Variants in DCDC2 observed in about 807,000 individuals in gnomAD.
The protein encoded by DCDC2 is doublecortin domain-containing protein 2.
In DCDC2, 40 loss-of-function variants were observed where a neutral mutation model predicts 50.2. That is an observed-to-expected ratio of 0.80 (90% CI 0.62 to 1.04). The LOEUF is 1.04. Among genes scored for constraint, DCDC2 ranks in the 50% least tolerant of loss-of-function variants. The pLI, the probability that DCDC2 is intolerant of heterozygous loss-of-function variation, is 0.00. For synonymous variants in DCDC2, 234 were observed against 210.6 expected (o/e 1.11, Z -0.96); for missense variants, 570 against 581.9 (o/e 0.98, Z 0.21).
At chr6:24,319,635 T>C (rs1354544020) in intron 2 of DCDC2, among the ~76,000 whole-genome samples, 1 of 152,190 alleles carries the variant, frequency 6.6e-6, no homozygotes, top group Non-Finnish European at 1.5e-5. Context: ...CCAAAGACTA[T>C]CTACAGTATG....
chr6:24,177,413 T>C (rs988740274), intron 9 of DCDC2, among the ~76,000 whole-genome samples: 1 of 152,188 alleles, frequency 6.6e-6, no homozygotes, highest in Non-Finnish European at 1.5e-5. Context: ...ATAAATCAGA[T>C]GCATCAATAA....
At chr6:24,261,682 G>A (rs1763013093) in intron 7 of DCDC2, among the ~76,000 whole-genome samples, 1 of 152,004 alleles carries the variant, frequency 6.6e-6, no homozygotes, top group South Asian at 2.1e-4. Flanking sequence ...TCATCCTTAT[G>A]TCTTACCTGC....
intron 6 of DCDC2, 28 bp downstream of exon 6, chr6:24,288,824 A>G (rs1302763254): frequency 1.3e-6 from 2 of 1,590,834 alleles, no homozygotes; most frequent in South Asian, 2.2e-5. Context: ...AATATAGAAC[A>G]TCAACGAGGA....
the DCDC2 span, among the ~76,000 whole-genome samples, chr6:24,367,901 T>C: frequency 4.6e-5 from 7 of 152,234 alleles, no homozygotes; most frequent in South Asian, 1.4e-3. Flanking sequence ...TTTACTATAT[T>C]TAAAGAAAAA....
intron 4 of DCDC2, among the ~76,000 whole-genome samples, chr6:24,295,147 G>T (rs1305597401): frequency 6.6e-6 from 1 of 152,134 alleles, no homozygotes; most frequent in Non-Finnish European, 1.5e-5. Context: ...CTTTATCCCT[G>T]GGATGCAAGG....
At position 24,260,440 on chromosome 6, in the gene DCDC2, A is replaced by C. The variant is rs560528452; in HGVS notation, c.922+17609T>G. 2.0e-5 allele frequency among the ~76,000 whole-genome samples: 3 copies of C among 152,312 alleles called. No individual in the cohort carries two copies. In the South Asian group the frequency reaches 6.2e-4, roughly 32 times the overall value. ...TCAGTCATAATGTTTCATTATTATAAAAATGCTAAATAACCATCATCATGC... is the reference window on the plus strand; with the variant it reads ...TCAGTCATAATGTTTCATTATTATACAAATGCTAAATAACCATCATCATGC... On this transcript the variant is annotated intron_variant, in intron 7 of 9. Transcript: ENST00000378454.
chr6:24,314,416 T>C (rs1419028565), intron 2 of DCDC2, among the ~76,000 whole-genome samples: 1 of 151,996 alleles, frequency 6.6e-6, no homozygotes, highest in Non-Finnish European at 1.5e-5. Context: ...CAGGTTGAAA[T>C]GAGCTATGAT....
chr6:24,365,114 A>T, the DCDC2 span, among the ~76,000 whole-genome samples: 1 of 152,050 alleles, frequency 6.6e-6, no homozygotes, highest in Admixed American at 6.6e-5. Flanking sequence ...CTTCAAATCC[A>T]CGTGCTAGGT....
At chr6:24,272,194 A>G (rs1763253569) in intron 7 of DCDC2, among the ~76,000 whole-genome samples, 1 of 152,262 alleles carries the variant, frequency 6.6e-6, no homozygotes, top group African/African-American at 2.4e-5. Context: ...TAAAGTAGAT[A>G]GCAAAGTACA....
the DCDC2 span, among the ~76,000 whole-genome samples, chr6:24,369,979 G>A: frequency 6.6e-6 from 1 of 152,042 alleles, no homozygotes; most frequent in Admixed American, 6.5e-5. Context: ...GACTGGGGGA[G>A]GCTGCAGTGA....
At chr6:24,176,268 C>T (rs1223210723) in intron 9 of DCDC2, among the ~76,000 whole-genome samples, 1 of 151,900 alleles carries the variant, frequency 6.6e-6, no homozygotes, top group East Asian at 1.9e-4. Flanking sequence ...TGAACTCCAG[C>T]CTGGGTAGCA....
At chr6:24,227,128 A>C (rs1389914611) in intron 7 of DCDC2, among the ~76,000 whole-genome samples, 1 of 152,220 alleles carries the variant, frequency 6.6e-6, no homozygotes, top group Non-Finnish European at 1.5e-5. Flanking sequence ...CAAAAACTAA[A>C]GGAAGGGCAT....
At chr6:24,307,913 G>C (rs3930600) in intron 2 of DCDC2, among the ~76,000 whole-genome samples, 1 of 152,170 alleles carries the variant, frequency 6.6e-6, no homozygotes, top group African/African-American at 2.4e-5. Context: ...AGGATGCAAA[G>C]ATGTCTAGAT....
chr6:24,283,850 C>T (rs541105499), intron 6 of DCDC2, among the ~76,000 whole-genome samples: 7 of 152,294 alleles, frequency 4.6e-5, no homozygotes, highest in Admixed American at 1.3e-4. Flanking sequence ...TTTGTGAGAA[C>T]CTACCAGGCA....
At chr6:24,276,282 CT>C (rs1763356018) in intron 7 of DCDC2, among the ~76,000 whole-genome samples, 1 of 152,064 alleles carries the variant, frequency 6.6e-6, no homozygotes, top group Admixed American at 6.6e-5. Flanking sequence ...TGATCATTCT[CT>C]TTCTTCCAGG....
the DCDC2 span, among the ~76,000 whole-genome samples, chr6:24,376,417 G>A: frequency 2.6e-5 from 4 of 152,230 alleles, no homozygotes; most frequent in Middle Eastern, 3.4e-3. Flanking sequence ...AAGAGACAGC[G>A]TCATCCCATA....
chr6:24,279,677 T>C (rs1009121659), intron 6 of DCDC2, among the ~76,000 whole-genome samples: 1 of 152,168 alleles, frequency 6.6e-6, no homozygotes, highest in African/African-American at 2.4e-5. Flanking sequence ...TGAGAGTATG[T>C]GGTGAGAGGC....
In DCDC2 at chr6:24,173,758, C is replaced by T. The variant is rs1192533541; in HGVS notation, c.*972G>A. ...TCCCTAGGGCAAAAACATAGTAAAA[C>T]AGTCTTAATAGAAATAAGGCAAAAA... is the stretch of plus-strand genomic sequence containing the variant. On this transcript the variant is annotated 3_prime_UTR_variant, in exon 10 of 10. Coordinates refer to ENST00000378454, the MANE Select transcript of DCDC2 (RefSeq NM_016356.5). 1 of 152,098 alleles carries T rather than the reference C, an allele frequency of 6.6e-6. No homozygotes were observed. Among genetic ancestry groups the T allele is most frequent in the Non-Finnish European group, 1.5e-5 (1 of 68,006 alleles). 9.4% of individuals were successfully genotyped at this position (152,098 alleles called of 1,614,324 possible).
At chr6:24,225,896 T>A (rs1175881257) in intron 7 of DCDC2, among the ~76,000 whole-genome samples, 2 of 151,408 alleles carry the variant, frequency 1.3e-5, no homozygotes, top group African/African-American at 4.8e-5. Flanking sequence ...ACAGTCAGCA[T>A]ATTATAACAA....
Sources: gnomAD v4.1 joint callset for allele counts (sites outside exome capture counted in the v4.1 genomes callset) on GRCh38, gnomAD v4.1.1 for gene constraint, MANE v1.5 for transcripts, NCBI Gene and HGNC (gene_info 2026-07-23, HGNC 2026-07-21) for gene names.